Variants in PTPRK observed in about 807,000 individuals in gnomAD.
PTPRK encodes protein tyrosine phosphatase receptor type K.
In PTPRK, 75 loss-of-function variants were observed where a neutral mutation model predicts 178.0. That is an observed-to-expected ratio of 0.42 (90% CI 0.35 to 0.51). PTPRK has a LOEUF of 0.51. Ranked by LOEUF, PTPRK falls within the 20% of genes least tolerant of loss-of-function variation. The pLI, the probability that PTPRK is intolerant of heterozygous loss-of-function variation, is 0.02. For missense variants in PTPRK, 1,441 were observed against 1,797.8 expected, an observed-to-expected ratio of 0.80 and a Z score of 3.59; for synonymous variants, 637 against 620.6, an observed-to-expected ratio of 1.03 and a Z score of -0.39.
At position 128,083,911 on chromosome 6, in the gene PTPRK, A is replaced by T. The variant is rs117017279; in HGVS notation, c.1466-87T>A. 0.014 allele frequency: 7,838 copies of T among 569,254 alleles called. 115 individuals carry two copies. Among genetic ancestry groups the T allele is most frequent in the Non-Finnish European group, 0.015 (5,376 of 351,136 alleles). The allele number at this position is 569,254 out of a possible 1,614,324, so 35.3% of individuals were successfully genotyped here. A position where few individuals can be genotyped will look rare whatever the true frequency, so the allele number is the denominator to read the frequency against. The stretch of plus-strand genomic sequence containing the variant: ...CAGATAAGCTAGATAAACAGGATTA[A>T]AAATAAATATAAAGAAAAATAAATA... On this transcript the variant is annotated intron_variant, in intron 8 of 29. Transcript: ENST00000368226.
chr6:128,026,146 AAAT>A (rs939876177), intron 13 of PTPRK, among the ~76,000 whole-genome samples: 1 of 152,210 alleles, frequency 6.6e-6, no homozygotes, highest in African/African-American at 2.4e-5. Context: ...GTATTGAACA[AAAT>A]AAGACAAAGA....
intron 7 of PTPRK, among the ~76,000 whole-genome samples, chr6:128,128,377 T>A (rs945223909): frequency 6.6e-6 from 1 of 152,162 alleles, no homozygotes; most frequent in African/African-American, 2.4e-5. Context: ...GCACTGTGCT[T>A]CAGCTTGGAA....
chr6:128,237,803 G>C (rs1227225887), intron 5 of PTPRK, among the ~76,000 whole-genome samples: 1 of 151,404 alleles, frequency 6.6e-6, no homozygotes, highest in Non-Finnish European at 1.5e-5. Flanking sequence ...ATTCACTTTG[G>C]AACCAGAATT....
chr6:128,476,706 T>C (rs1321330671), intron 1 of PTPRK, among the ~76,000 whole-genome samples: 1 of 152,024 alleles, frequency 6.6e-6, no homozygotes, highest in African/African-American at 2.4e-5. Flanking sequence ...GTCTCGTTCA[T>C]AGTTAAGAAA....
chr6:128,346,127 G>C (rs950357463), intron 2 of PTPRK, among the ~76,000 whole-genome samples: 1 of 152,028 alleles, frequency 6.6e-6, no homozygotes, highest in African/African-American at 2.4e-5. Context: ...AGGATACAAG[G>C]ATATTATATT....
chr6:127,995,280 C>A (rs755645841), intron 18 of PTPRK, 182 bp downstream of exon 18: 1 of 1,606,946 alleles, frequency 6.2e-7, no homozygotes, highest in Non-Finnish European at 8.5e-7. Context: ...CAGCCCAAAC[C>A]AAAGTCAGGT....
intron 7 of PTPRK, among the ~76,000 whole-genome samples, chr6:128,179,688 T>C (rs1289412493): frequency 6.6e-6 from 1 of 152,024 alleles, no homozygotes; most frequent in Non-Finnish European, 1.5e-5. Flanking sequence ...TTTCAACCTC[T>C]AGGCTGAGTG....
chr6:128,262,130 A>T (rs904782153), intron 3 of PTPRK, among the ~76,000 whole-genome samples: 1 of 152,160 alleles, frequency 6.6e-6, no homozygotes, highest in African/African-American at 2.4e-5. Flanking sequence ...CCAGGTTTGG[A>T]TTCATCCCAA....
At chr6:128,359,156 A>C (rs1834367398) in intron 2 of PTPRK, among the ~76,000 whole-genome samples, 1 of 152,210 alleles carries the variant, frequency 6.6e-6, no homozygotes, top group African/African-American at 2.4e-5. Context: ...TGACTGTTAT[A>C]AAGGATAATT....
chr6:128,182,358 T>C (rs574078582), intron 7 of PTPRK, among the ~76,000 whole-genome samples: 1 of 152,148 alleles, frequency 6.6e-6, no homozygotes, highest in African/African-American at 2.4e-5. Context: ...GGCAGATCAC[T>C]TGAGGTCAGG....
intron 1 of PTPRK, among the ~76,000 whole-genome samples, chr6:128,499,007 G>A (rs978330911): frequency 6.6e-6 from 1 of 152,044 alleles, no homozygotes; most frequent in Admixed American, 6.6e-5. Context: ...ATTTTAAATC[G>A]AGTTTTATTT....
At chr6:128,398,214 A>T (rs1840592260) in intron 1 of PTPRK, among the ~76,000 whole-genome samples, 1 of 152,208 alleles carries the variant, frequency 6.6e-6, no homozygotes, top group Admixed American at 6.5e-5. Flanking sequence ...CCGATTGGCC[A>T]CTTGGTGTTC....
At chr6:128,349,251 T>C (rs370937416) in intron 2 of PTPRK, among the ~76,000 whole-genome samples, 6 of 152,094 alleles carry the variant, frequency 3.9e-5, no homozygotes, top group East Asian at 3.8e-4. Context: ...TGCATATTCA[T>C]TTAATCAAGT....
intron 2 of PTPRK, among the ~76,000 whole-genome samples, chr6:128,349,363 T>C (rs1360637651): frequency 6.6e-6 from 1 of 152,144 alleles, no homozygotes; most frequent in Non-Finnish European, 1.5e-5. Flanking sequence ...TATAATTGAA[T>C]GTACAATTGC....
intron 11 of PTPRK, among the ~76,000 whole-genome samples, chr6:128,078,547 TATA>T (rs1186656672): frequency 6.6e-6 from 1 of 152,166 alleles, no homozygotes; most frequent in African/African-American, 2.4e-5. Flanking sequence ...GTAAGTACAG[TATA>T]ATAAGGTATT....
chr6:128,409,201 A>G (rs747386818), intron 1 of PTPRK: 4 of 367,232 alleles, frequency 1.1e-5, no homozygotes, highest in African/African-American at 8.6e-5. Context: ...GATTGATTAC[A>G]CCAATAGCAT....
intron 1 of PTPRK, among the ~76,000 whole-genome samples, chr6:128,469,483 G>A (rs1850327435): frequency 6.6e-6 from 1 of 152,132 alleles, no homozygotes; most frequent in Non-Finnish European, 1.5e-5. Context: ...TAGCACAAGT[G>A]TTGAGGATAG....
intron 3 of PTPRK, among the ~76,000 whole-genome samples, chr6:128,243,196 C>T (rs1158667222): frequency 6.6e-6 from 1 of 152,034 alleles, no homozygotes; most frequent in East Asian, 1.9e-4. Flanking sequence ...GAGACATAGG[C>T]ATGGAAGGCC....
chr6:128,373,279 A>G (rs924000182), intron 2 of PTPRK, among the ~76,000 whole-genome samples: 2 of 152,232 alleles, frequency 1.3e-5, no homozygotes, highest in African/African-American at 4.8e-5. Flanking sequence ...ACAGATATCA[A>G]TTAGGCACAG....
Sources: allele counts gnomAD v4.1 joint callset (sites outside exome capture counted in the v4.1 genomes callset), GRCh38; gene constraint gnomAD v4.1.1; transcripts MANE v1.5; gene names NCBI Gene and HGNC (gene_info 2026-07-23, HGNC 2026-07-21).